MCC: variants seen among roughly 807,000 people sequenced by gnomAD.
MCC encodes MCC regulator of Wnt signaling pathway, also known as colorectal mutant cancer protein.
In MCC, 90 loss-of-function variants were observed where a neutral mutation model predicts 116.2. That is an observed-to-expected ratio of 0.77 (90% CI 0.65 to 0.92). MCC has a LOEUF of 0.92. Among genes scored for constraint, MCC ranks in the 40% least tolerant of loss-of-function variants. MCC has a pLI of 0.00. For synonymous variants in MCC, 578 were observed against 510.5 expected (o/e 1.13, Z -1.78); for missense variants, 1,516 against 1,312.2 (o/e 1.16, Z -2.40).
rs1208521553 is a variant in MCC at position 113,488,228 on chromosome 5, C to A, written c.170+17G>T. The A allele has an allele frequency of 6.3e-7, 1 of 1,581,552 alleles. No individual in the cohort carries two copies. The highest frequency in any genetic ancestry group is 1.1e-5 in the South Asian group (1 of 89,108). On this transcript the variant is annotated intron_variant, in intron 1 of 18. Transcript: ENST00000408903. ...CTGATCTCGCTCCTGTCGGTTTCCTCGTACCTCCCCGCGTACCTGCTGATG... is the reference window on the plus strand; with the variant it reads ...CTGATCTCGCTCCTGTCGGTTTCCTAGTACCTCCCCGCGTACCTGCTGATG...
chr5:113,294,926 C>A, intron 3 of MCC: 3 of 985,476 alleles, frequency 3.0e-6, no homozygotes, highest in Non-Finnish European at 3.6e-6. Flanking sequence ...CCCTTCGAAT[C>A]GTCTGGAGTT....
At chr5:113,122,955 C>T in intron 5 of MCC, 129 bp from the exon 6 acceptor site, 1 of 925,440 alleles carries the variant, frequency 1.1e-6, no homozygotes, top group Admixed American at 2.4e-5. Context: ...CCACAGGGAC[C>T]AGGATTTCTC....
In MCC at chr5:113,028,047, C is replaced by CTGG. The variant is rs564598762; in HGVS notation, c.2880-568_2880-566dup. Among the ~76,000 whole-genome samples, 107 of 152,270 alleles carry CTGG rather than the reference C, an allele frequency of 7.0e-4. 2 individuals are homozygous for CTGG. The highest frequency in any genetic ancestry group is 6.4e-3 in the South Asian group (31 of 4,826). ...GCCTTTGAACTGTTCCCACCAGAGCCTGGTGGTAGGGTATACAGTGAGCCC... is the reference window on the plus strand; with the variant it reads ...GCCTTTGAACTGTTCCCACCAGAGCCTGGTGGTGGTAGGGTATACAGTGAGCCC... On this transcript the variant is annotated intron_variant, in intron 18 of 18. Coordinates refer to ENST00000408903, the MANE Select transcript of MCC (RefSeq NM_001085377.2).
At chr5:113,156,176 A>C (rs1421473398) in intron 3 of MCC, among the ~76,000 whole-genome samples, 1 of 152,224 alleles carries the variant, frequency 6.6e-6, no homozygotes, top group African/African-American at 2.4e-5. Context: ...AACTGCAAGA[A>C]ATAAACCTCT....
At position 113,478,238 on chromosome 5, in the gene MCC, T is replaced by C. The variant is rs552073425; in HGVS notation, c.170+10007A>G. On this transcript the variant is annotated intron_variant, in intron 1 of 18. Coordinates refer to ENST00000408903, the MANE Select transcript of MCC (RefSeq NM_001085377.2). ...AAATAACACAATCTGACAGACACTT[T>C]AGTTGGTTACTGGCTGCTGTATGCC... 2.0e-5 allele frequency among the ~76,000 whole-genome samples: 3 copies of C among 152,254 alleles called. No individual in the cohort carries two copies. In the South Asian group the frequency reaches 6.2e-4, roughly 32 times the overall value.
chr5:113,267,109 A>G (rs1765450363), intron 3 of MCC, among the ~76,000 whole-genome samples: 1 of 151,926 alleles, frequency 6.6e-6, no homozygotes, highest in Non-Finnish European at 1.5e-5. Flanking sequence ...CAGGTTTCAC[A>G]CTCCCCTGTA....
chr5:113,256,940 C>T (rs1046751001), intron 3 of MCC, among the ~76,000 whole-genome samples: 1 of 152,160 alleles, frequency 6.6e-6, no homozygotes, highest in Non-Finnish European at 1.5e-5. Flanking sequence ...CTTGAGTTCT[C>T]CAAGGTGACT....
chr5:113,120,712 T>A (rs954656745), intron 6 of MCC, among the ~76,000 whole-genome samples: 1 of 152,246 alleles, frequency 6.6e-6, no homozygotes, highest in Non-Finnish European at 1.5e-5. Flanking sequence ...AAATAAATAC[T>A]ATTACATAAT....
At chr5:113,444,314 A>T (rs1771143151) in intron 1 of MCC, among the ~76,000 whole-genome samples, 1 of 152,136 alleles carries the variant, frequency 6.6e-6, no homozygotes, top group South Asian at 2.1e-4. Context: ...GAGAGATGAA[A>T]GTAAGGGATA....
intron 3 of MCC, among the ~76,000 whole-genome samples, chr5:113,154,864 T>C (rs1443686): frequency 0.95 from 144,462 of 152,286 alleles, 68,560 homozygotes; most frequent in South Asian, 0.96. Flanking sequence ...ATAACCATCA[T>C]CACAAACATT....
chr5:113,237,980 CAG>C (rs1489273756), intron 3 of MCC, among the ~76,000 whole-genome samples: 23 of 152,114 alleles, frequency 1.5e-4, no homozygotes, highest in Admixed American at 1.4e-3. Context: ...AGTAGGGAAA[CAG>C]AGGTGGAGGA....
At chr5:113,364,997 T>C (rs1393874997) in intron 2 of MCC, among the ~76,000 whole-genome samples, 1 of 152,208 alleles carries the variant, frequency 6.6e-6, no homozygotes, top group East Asian at 1.9e-4. Context: ...GTTTCTGAAA[T>C]GCCTTTGAGG....
chr5:113,466,044 C>A (rs1049615171), intron 1 of MCC, among the ~76,000 whole-genome samples: 7 of 151,954 alleles, frequency 4.6e-5, no homozygotes, highest in Admixed American at 2.0e-4. Context: ...TCAAGCGATT[C>A]CCCTGCCTCA....
intron 3 of MCC, among the ~76,000 whole-genome samples, chr5:113,197,056 C>A (rs1762446844): frequency 6.6e-6 from 1 of 152,132 alleles, no homozygotes; most frequent in Admixed American, 6.5e-5. Context: ...GAAATCTGAG[C>A]AAGAAACGGT....
chr5:113,135,558 C>CA (rs11377680), intron 5 of MCC, among the ~76,000 whole-genome samples: 14,512 of 102,442 alleles, frequency 0.14, 978 homozygotes, highest in African/African-American at 0.17. Context: ...GACTCTGTCT[C>CA]AAAAAAAAAA....
chr5:113,293,310 T>C (rs1311775420), intron 3 of MCC, among the ~76,000 whole-genome samples: 1 of 152,084 alleles, frequency 6.6e-6, no homozygotes, highest in Non-Finnish European at 1.5e-5. Context: ...GACATCACCA[T>C]TATCTGCCTT....
At chr5:113,358,476 A>G (rs1768467036) in intron 2 of MCC, among the ~76,000 whole-genome samples, 1 of 152,202 alleles carries the variant, frequency 6.6e-6, no homozygotes, top group African/African-American at 2.4e-5. Flanking sequence ...TCATCACAAC[A>G]AAGGCAGATG....
chr5:113,202,875 A>G (rs1322943230), intron 3 of MCC, among the ~76,000 whole-genome samples: 1 of 151,980 alleles, frequency 6.6e-6, no homozygotes. Flanking sequence ...GTGACTTGAC[A>G]TATTCTCAAC....
chr5:113,104,245 T>C lies in MCC; in HGVS notation c.1138A>G (p.Lys380Glu). The C allele has an allele frequency of 6.2e-7, 1 of 1,614,070 alleles. No individual in the cohort carries two copies. Among genetic ancestry groups the C allele is most frequent in the Non-Finnish European group, 8.5e-7 (1 of 1,180,008 alleles). Residue 380 changes from lysine (K) to glutamate (E), a missense_variant, in exon 7 of 19, where the codon AAG becomes GAG. Lys to Glu is a moderately conservative substitution (Grantham distance 56). Coordinates refer to ENST00000408903, the MANE Select transcript of MCC (RefSeq NM_001085377.2). ...SCSLSVAEVDKHIEQLTTASE... is the reference protein window; with the variant it reads ...SCSLSVAEVDEHIEQLTTASE... ...GCTGTGGTGAGCTGCTCAATGTGCT[T>C]GTCCACCTCGGCCACGGAGAGGCTG...
Sources: gnomAD v4.1 joint callset for allele counts (sites outside exome capture counted in the v4.1 genomes callset) on GRCh38, gnomAD v4.1.1 for gene constraint, MANE v1.5 for transcripts, NCBI Gene and HGNC (gene_info 2026-07-23, HGNC 2026-07-21) for gene names.